Variants in KLF7 observed in about 807,000 individuals in gnomAD.
KLF7 encodes KLF transcription factor 7, also known as Krueppel-like factor 7.
Under a neutral mutation model 27.3 loss-of-function variants are expected in KLF7, and 2 were observed. The ratio of observed to expected loss-of-function variants is 0.07; its 90% confidence interval spans 0.03 to 0.23. The LOEUF (loss-of-function observed/expected upper bound fraction) is 0.23, where lower values mean the gene tolerates loss of function less well. KLF7 is among the 10% of genes least tolerant of loss of function. The pLI is 1.00. For synonymous variants in KLF7, 165 were observed against 162.4 expected (o/e 1.02, Z -0.12); for missense variants, 221 against 394.1 (o/e 0.56, Z 3.72).
chr2:207,124,534 T>C (rs1457140694), intron 1 of KLF7, 130 bp from the exon 2 acceptor site: 19 of 868,276 alleles, frequency 2.2e-5, no homozygotes, highest in Non-Finnish European at 3.0e-5. Flanking sequence ...AATGCCTTAG[T>C]AGAAGGTCTG....
intron 1 of KLF7, among the ~76,000 whole-genome samples, chr2:207,134,706 C>T (rs1477469683): frequency 6.6e-6 from 1 of 152,164 alleles, no homozygotes; most frequent in Non-Finnish European, 1.5e-5. Flanking sequence ...CATTCGCATA[C>T]TGAGAGGCAG....
At chr2:207,135,444 G>C (rs536374772) in intron 1 of KLF7, among the ~76,000 whole-genome samples, 1 of 151,738 alleles carries the variant, frequency 6.6e-6, no homozygotes, top group Non-Finnish European at 1.5e-5. Flanking sequence ...TGCTATGAAG[G>C]TTTAATTTCC....
chr2:207,081,852 C>CAAAAAAAAAAAA (rs35500565), intron 3 of KLF7, among the ~76,000 whole-genome samples: 1 of 107,726 alleles, frequency 9.3e-6, no homozygotes. Context: ...ATATTCAAGT[C>CAAAAAAAAAAAA]AAAAAAAAAA....
intron 2 of KLF7, among the ~76,000 whole-genome samples, chr2:207,097,470 T>G (rs1304980077): frequency 6.6e-6 from 1 of 152,222 alleles, no homozygotes; most frequent in Non-Finnish European, 1.5e-5. Flanking sequence ...CAGAGAACTT[T>G]GTCACCTGTA....
intron 1 of KLF7, among the ~76,000 whole-genome samples, chr2:207,137,685 AT>A (rs1436919690): frequency 6.6e-6 from 1 of 152,300 alleles, no homozygotes; most frequent in Non-Finnish European, 1.5e-5. Context: ...GTGTGTGTGC[AT>A]TCACATGTGC....
At chr2:207,122,814 C>T (rs1331808622) in intron 2 of KLF7, among the ~76,000 whole-genome samples, 5 of 152,080 alleles carry the variant, frequency 3.3e-5, no homozygotes, top group Non-Finnish European at 7.4e-5. Flanking sequence ...CTATTCAGCT[C>T]GCAGTGTGCA....
chr2:207,096,282 C>T (rs2076627502), intron 2 of KLF7, among the ~76,000 whole-genome samples: 1 of 152,212 alleles, frequency 6.6e-6, no homozygotes, highest in Admixed American at 6.5e-5. Context: ...CCAACCTTGT[C>T]GTGTACAAGA....
chr2:207,144,766 T>C (rs1182155616), intron 1 of KLF7, among the ~76,000 whole-genome samples: 2 of 152,216 alleles, frequency 1.3e-5, no homozygotes, highest in African/African-American at 2.4e-5. Context: ...CCCCAAATCC[T>C]TCCTCCAGTC....
At chr2:207,117,768 T>C (rs747688789) in intron 2 of KLF7, among the ~76,000 whole-genome samples, 8 of 152,180 alleles carry the variant, frequency 5.3e-5, no homozygotes, top group Non-Finnish European at 1.2e-4. Flanking sequence ...ATTGACATCA[T>C]TTAAAAAGAT....
chr2:207,087,645 C>T (rs903445735), intron 3 of KLF7, among the ~76,000 whole-genome samples: 4 of 152,136 alleles, frequency 2.6e-5, no homozygotes, highest in African/African-American at 9.7e-5. Context: ...TTTTCTTAAG[C>T]TTCCTTTTAA....
chr2:207,143,715 T>A (rs1020160829), intron 1 of KLF7, among the ~76,000 whole-genome samples: 1 of 152,310 alleles, frequency 6.6e-6, no homozygotes, highest in South Asian at 2.1e-4. Flanking sequence ...ACTACTCAGA[T>A]TCAACGCAGG....
At chr2:207,092,894 A>T (rs1419223789) in intron 2 of KLF7, among the ~76,000 whole-genome samples, 1 of 152,210 alleles carries the variant, frequency 6.6e-6, no homozygotes, top group Non-Finnish European at 1.5e-5. Context: ...GAAGTCATAC[A>T]TATTTCTTCT....
At chr2:207,113,609 G>C (rs1198870367) in intron 2 of KLF7, among the ~76,000 whole-genome samples, 1 of 55,832 alleles carries the variant, frequency 1.8e-5, no homozygotes, top group East Asian at 7.9e-4. Context: ...ATGGGGGGTG[G>C]GGGGGGGGGG....
At chr2:207,102,227 C>T (rs1351171817) in intron 2 of KLF7, among the ~76,000 whole-genome samples, 3 of 151,764 alleles carry the variant, frequency 2.0e-5, no homozygotes, top group Non-Finnish European at 4.4e-5. Context: ...TGTAGAAACA[C>T]CCCCACACAA....
rs1438273351 is a variant in KLF7, at chr2:207,124,312, G to A, written c.195C>T (p.Ser65=). ...GEDLDCFLHA[S]PPPCIEESFR... The stretch of plus-strand genomic sequence containing the variant: ...AGCTTTCCTCAATGCACGGGGGAGG[G>A]GAAGCGTGGAGGAAACAGTCCAAGT... Residue 65 remains serine (S), a synonymous_variant, in exon 2 of 4, where the codon TCC becomes TCT. Transcript: ENST00000309446. 1.9e-6 allele frequency: 3 copies of A among 1,612,994 alleles called. No individual in the cohort carries two copies. Among genetic ancestry groups the A allele is most frequent in the Non-Finnish European group, 2.5e-6 (3 of 1,179,218 alleles).
intron 1 of KLF7, among the ~76,000 whole-genome samples, chr2:207,137,383 T>G (rs1559152862): frequency 1.3e-5 from 2 of 152,160 alleles, no homozygotes; most frequent in Non-Finnish European, 2.9e-5. Context: ...CTTACACAGG[T>G]GAGGTCCTTT....
upstream of KLF7, chr2:207,167,233 G>T (rs563225338): frequency 8.0e-6 from 9 of 1,126,264 alleles, no homozygotes; most frequent in African/African-American, 4.9e-5. Flanking sequence ...GACATAGAGA[G>T]ATCTGTTACA....
chr2:207,134,073 A>G (rs1458532226), intron 1 of KLF7: 1 of 1,535,664 alleles, frequency 6.5e-7, no homozygotes, highest in Non-Finnish European at 8.7e-7. Flanking sequence ...TCACTGGCCA[A>G]GACGGGAACA....
chr2:207,090,144 C>T (rs1027822872), intron 2 of KLF7, among the ~76,000 whole-genome samples: 17 of 151,752 alleles, frequency 1.1e-4, no homozygotes, highest in African/African-American at 3.1e-4. Context: ...AGAAGGGGAA[C>T]GAGAAACACG....
Sources: allele counts gnomAD v4.1 joint callset (sites outside exome capture counted in the v4.1 genomes callset), GRCh38; gene constraint gnomAD v4.1.1; transcripts MANE v1.5; gene names NCBI Gene and HGNC (gene_info 2026-07-23, HGNC 2026-07-21).